Variants in EGF observed in about 807,000 individuals in gnomAD.
EGF encodes the protein epidermal growth factor.
Under a neutral mutation model 143.8 loss-of-function variants are expected in EGF, and 95 were observed. That is an observed-to-expected ratio of 0.66 (90% CI 0.56 to 0.78). The LOEUF (loss-of-function observed/expected upper bound fraction) is 0.78. EGF is among the 30% of genes least tolerant of loss of function. EGF has a pLI of 0.00. For synonymous variants in EGF, 510 were observed against 510.5 expected (o/e 1.00, Z 0.01); for missense variants, 1,320 against 1,470.9 (o/e 0.90, Z 1.68).
chr4:109,979,824 G>T, intron 13 of EGF, 148 bp from the exon 14 acceptor site: 1 of 846,594 alleles, frequency 1.2e-6, no homozygotes, highest in Non-Finnish European at 1.8e-6. Context: ...AGGCAGGTGT[G>T]TGAGTCGGTG....
chr4:109,966,907 G>A lies in EGF; in HGVS notation c.1576-2064G>A, dbSNP rs192710890. On this transcript the variant is annotated intron_variant, in intron 10 of 23. Transcript: ENST00000265171. Reference sequence around the variant, plus strand: ...TGGGGTTATTTGTTTTTATCTTCTCGGGTTGTTTGAGTTCCTTATAGATTC... The same window carrying A: ...TGGGGTTATTTGTTTTTATCTTCTCAGGTTGTTTGAGTTCCTTATAGATTC... Among the ~76,000 whole-genome samples the A allele has an allele frequency of 5.5e-4, 84 of 151,708 alleles. No individual in the cohort carries two copies. In the East Asian group the frequency reaches 7.7e-3, roughly 14 times the overall value.
At chr4:110,001,324 TC>T (rs1332033517) in intron 21 of EGF, among the ~76,000 whole-genome samples, 1 of 152,178 alleles carries the variant, frequency 6.6e-6, no homozygotes, top group Non-Finnish European at 1.5e-5. Flanking sequence ...ACTGTAACCT[TC>T]CCCCAAAAGA....
intron 20 of EGF, among the ~76,000 whole-genome samples, chr4:109,996,280 CT>C (rs1751784424): frequency 6.6e-6 from 1 of 152,192 alleles, no homozygotes; most frequent in East Asian, 1.9e-4. Context: ...CTTTAACACA[CT>C]GCTTTTCTTT....
At chr4:109,986,248 C>A (rs1305554028) in intron 16 of EGF, among the ~76,000 whole-genome samples, 1 of 152,186 alleles carries the variant, frequency 6.6e-6, no homozygotes, top group Non-Finnish European at 1.5e-5. Context: ...AATCCTGAAT[C>A]ATATTCTAAT....
At chr4:109,937,715 C>T (rs1741102119) in intron 1 of EGF, among the ~76,000 whole-genome samples, 1 of 152,126 alleles carries the variant, frequency 6.6e-6, no homozygotes, top group African/African-American at 2.4e-5. Flanking sequence ...CTGGTGGTGA[C>T]AAAATCTCTC....
intron 8 of EGF, among the ~76,000 whole-genome samples, chr4:109,962,599 C>T (rs1473189504): frequency 6.6e-6 from 1 of 152,160 alleles, no homozygotes; most frequent in African/African-American, 2.4e-5. Context: ...GCTGCCAGTG[C>T]ACTTGCTCCT....
chr4:110,001,009 A>G (rs1156326528), intron 21 of EGF, among the ~76,000 whole-genome samples: 2 of 152,210 alleles, frequency 1.3e-5, no homozygotes, highest in Admixed American at 1.3e-4. Context: ...TGTGTTCTGG[A>G]AAATTCAACA....
intron 10 of EGF, chr4:109,968,673 CATCTATCTATCTATCT>C (rs10530188): frequency 5.1e-5 from 18 of 351,158 alleles, no homozygotes; most frequent in African/African-American, 6.8e-5. Context: ...TATCTATATA[CATCTATCTATCTATCT>C]ATCTATCTAT....
At chr4:109,989,787 T>C (rs963054185) in intron 18 of EGF, among the ~76,000 whole-genome samples, 9 of 152,184 alleles carry the variant, frequency 5.9e-5, no homozygotes, top group Non-Finnish European at 1.0e-4. Flanking sequence ...TTTCTCACAC[T>C]GTTACTAACT....
chr4:109,962,518 G>C (rs1745873596), intron 8 of EGF, among the ~76,000 whole-genome samples: 1 of 152,152 alleles, frequency 6.6e-6, no homozygotes, highest in South Asian at 2.1e-4. Flanking sequence ...AAAAATGTGT[G>C]AGAGAAAAAA....
intron 23 of EGF, among the ~76,000 whole-genome samples, chr4:110,010,055 A>C (rs1270924506): frequency 6.6e-6 from 1 of 152,062 alleles, no homozygotes; most frequent in Non-Finnish European, 1.5e-5. Flanking sequence ...TCTCTACCAA[A>C]TGAGACCAGC....
chr4:109,936,216 A>C (rs980345601), intron 1 of EGF, among the ~76,000 whole-genome samples: 2 of 152,172 alleles, frequency 1.3e-5, no homozygotes, highest in African/African-American at 4.8e-5. Flanking sequence ...TATTGCCTCA[A>C]TTTCAGAGCC....
intron 1 of EGF, among the ~76,000 whole-genome samples, chr4:109,938,344 G>T (rs1424296290): frequency 6.6e-6 from 1 of 152,180 alleles, no homozygotes; most frequent in African/African-American, 2.4e-5. Context: ...AAGTTCCTGT[G>T]CTGTGGTTTT....
chr4:109,935,432 A>G (rs1049860891), intron 1 of EGF, among the ~76,000 whole-genome samples: 14 of 152,206 alleles, frequency 9.2e-5, no homozygotes, highest in African/African-American at 2.9e-4. Flanking sequence ...GAAGTTGCCT[A>G]TCAGCTTAAG....
At chr4:109,950,529 A>G (rs963763118) in intron 5 of EGF, among the ~76,000 whole-genome samples, 2 of 152,186 alleles carry the variant, frequency 1.3e-5, no homozygotes, top group African/African-American at 4.8e-5. Context: ...TCTTTGATTA[A>G]AATCCACTGA....
intron 18 of EGF, among the ~76,000 whole-genome samples, chr4:109,992,707 A>T (rs957561213): frequency 3.9e-5 from 6 of 152,084 alleles, no homozygotes; most frequent in African/African-American, 1.2e-4. Flanking sequence ...CAAATGTCCA[A>T]CAATGATAGA....
intron 15 of EGF, among the ~76,000 whole-genome samples, chr4:109,982,056 C>A (rs1209339657): frequency 6.6e-6 from 1 of 151,810 alleles, no homozygotes; most frequent in Non-Finnish European, 1.5e-5. Context: ...CTACCTTAGC[C>A]TCCTAGTAGC....
rs560147668 is a variant in EGF at position 109,944,972 on chromosome 4, G to A, written c.738-101G>A. 117 of 1,232,472 alleles carry A rather than the reference G, an allele frequency of 9.5e-5. No individual in the cohort carries two copies. The African/African-American group carries it at 1.6e-3, about 17-fold the overall frequency. The allele number at this position is 1,232,472 out of a possible 1,614,324, so 76.3% of individuals were successfully genotyped here. A position where few individuals can be genotyped will look rare whatever the true frequency, so the allele number is the denominator to read the frequency against. On this transcript the variant is annotated intron_variant, in intron 4 of 23. Transcript: ENST00000265171. Reference sequence around the variant, plus strand: ...TAAATGAGAAACAATTGAAAACGTAGGTGGTTAAAACTTAGACAATAAATT... The same window carrying A: ...TAAATGAGAAACAATTGAAAACGTAAGTGGTTAAAACTTAGACAATAAATT...
At chr4:109,933,462 G>A (rs1740177806) in intron 1 of EGF, among the ~76,000 whole-genome samples, 1 of 144,608 alleles carries the variant, frequency 6.9e-6, no homozygotes, top group African/African-American at 2.6e-5. Flanking sequence ...TACAGTACAT[G>A]TGCACAACGT....
Sources: gnomAD v4.1 joint callset for allele counts (sites outside exome capture counted in the v4.1 genomes callset) on GRCh38, gnomAD v4.1.1 for gene constraint, MANE v1.5 for transcripts, NCBI Gene and HGNC (gene_info 2026-07-23, HGNC 2026-07-21) for gene names.